THSD7B: variants seen among roughly 807,000 people sequenced by gnomAD.
THSD7B encodes the protein thrombospondin type 1 domain containing 7B.
Under a neutral mutation model 213.6 loss-of-function variants are expected in THSD7B, and 138 were observed. That is an observed-to-expected ratio of 0.65 (90% CI 0.56 to 0.74). The LOEUF (loss-of-function observed/expected upper bound fraction) is 0.74, where lower values mean the gene tolerates loss of function less well. Ranked by LOEUF, THSD7B falls within the 30% of genes least tolerant of loss-of-function variation. THSD7B has a pLI of 0.00. For synonymous variants in THSD7B, 742 were observed against 687.0 expected, an observed-to-expected ratio of 1.08 and a Z score of -1.25; for missense variants, 1,931 against 1,991.5, an observed-to-expected ratio of 0.97 and a Z score of 0.58.
chr2:137,055,261 T>G (rs1227058689), intron 2 of THSD7B, among the ~76,000 whole-genome samples: 3 of 152,186 alleles, frequency 2.0e-5, no homozygotes, highest in Non-Finnish European at 2.9e-5. Context: ...TGTGTCTTTA[T>G]AGTAGAATGA....
intron 1 of THSD7B, among the ~76,000 whole-genome samples, chr2:136,789,945 G>A (rs2104912965): frequency 6.6e-6 from 1 of 152,228 alleles, no homozygotes; most frequent in Admixed American, 6.5e-5. Context: ...AAAAGATGGA[G>A]CCCTCTGTAG....
At chr2:137,047,956 C>T (rs1026408603) in intron 2 of THSD7B, among the ~76,000 whole-genome samples, 13 of 152,028 alleles carry the variant, frequency 8.6e-5, no homozygotes, top group African/African-American at 2.2e-4. Flanking sequence ...ACATGCAGAA[C>T]GTGCAGGTTT....
At chr2:136,874,778 A>G (rs559666389) in intron 1 of THSD7B, among the ~76,000 whole-genome samples, 3 of 152,302 alleles carry the variant, frequency 2.0e-5, no homozygotes, top group South Asian at 2.1e-4. Context: ...CCTTGCAAAT[A>G]CATTTTGGAT....
chr2:137,311,819 C>T (rs572080325), intron 12 of THSD7B, among the ~76,000 whole-genome samples: 48 of 148,630 alleles, frequency 3.2e-4, no homozygotes, highest in Admixed American at 1.7e-3. Context: ...TATTGATTTG[C>T]GTATATTGAA....
At chr2:136,997,068 T>G (rs979369900) in intron 2 of THSD7B, among the ~76,000 whole-genome samples, 1 of 152,230 alleles carries the variant, frequency 6.6e-6, no homozygotes, top group African/African-American at 2.4e-5. Flanking sequence ...TCTCTTTCCA[T>G]CCTGGATTTT....
At chr2:137,115,335 G>A (rs1001893554) in intron 5 of THSD7B, 42 bp downstream of exon 5, 2 of 1,454,544 alleles carry the variant, frequency 1.4e-6, no homozygotes, top group Non-Finnish European at 1.8e-6. Context: ...CTGCTGGTTG[G>A]AAGGAAAATC....
chr2:137,451,324 ATATG>A (rs1413762931), intron 15 of THSD7B, among the ~76,000 whole-genome samples: 1 of 151,620 alleles, frequency 6.6e-6, no homozygotes, highest in African/African-American at 2.4e-5. Flanking sequence ...TTGGATATAT[ATATG>A]TGTGTATATA....
At chr2:137,424,876 C>A (rs1021843757) in intron 14 of THSD7B, among the ~76,000 whole-genome samples, 1 of 151,922 alleles carries the variant, frequency 6.6e-6, no homozygotes, top group Non-Finnish European at 1.5e-5. Context: ...TCGAGACCAT[C>A]CTGGCTAAGA....
rs1213896192 is a variant in THSD7B, at chr2:137,409,034, A to T, written c.2696-2575A>T. Among the ~76,000 whole-genome samples the T allele has an allele frequency of 2.0e-5, 3 of 152,220 alleles. No individual in the cohort carries two copies. In the East Asian group the frequency reaches 5.8e-4, roughly 29 times the overall value. ...AACATGCTAGCGGCAGAGTGGTACA[A>T]TGTAGGCTAGAGGCAGATACAAATG... On this transcript the variant is annotated intron_variant, in intron 13 of 27. Transcript: ENST00000409968.
chr2:137,404,464 T>TAC (rs1316384160), intron 12 of THSD7B, among the ~76,000 whole-genome samples: 656 of 74,146 alleles, frequency 8.8e-3, no homozygotes, highest in South Asian at 0.014. Flanking sequence ...TATATATATA[T>TAC]ATATATATAT....
intron 2 of THSD7B, among the ~76,000 whole-genome samples, chr2:136,886,322 G>A (rs1169253435): frequency 6.6e-6 from 1 of 152,118 alleles, no homozygotes; most frequent in African/African-American, 2.4e-5. Flanking sequence ...ATCCTTGTGG[G>A]TGGCTGGCTG....
chr2:137,230,594 G>T (rs1402530610), intron 7 of THSD7B, among the ~76,000 whole-genome samples: 2 of 152,114 alleles, frequency 1.3e-5, no homozygotes, highest in East Asian at 3.9e-4. Context: ...TGATAATATT[G>T]CATAAGGTTG....
intron 7 of THSD7B, among the ~76,000 whole-genome samples, chr2:137,220,530 G>A (rs1013183872): frequency 6.6e-6 from 1 of 152,170 alleles, no homozygotes; most frequent in Non-Finnish European, 1.5e-5. Context: ...AAAGAAACTG[G>A]TTATACCAAG....
intron 2 of THSD7B, among the ~76,000 whole-genome samples, chr2:136,967,076 T>C (rs1419418538): frequency 6.6e-6 from 1 of 152,172 alleles, no homozygotes; most frequent in Non-Finnish European, 1.5e-5. Flanking sequence ...GTTTCTATTT[T>C]ACTGTGTCCT....
At chr2:136,952,549 C>A (rs2105073955) in intron 2 of THSD7B, among the ~76,000 whole-genome samples, 1 of 145,230 alleles carries the variant, frequency 6.9e-6, no homozygotes, top group Non-Finnish European at 1.5e-5. Flanking sequence ...TTGGATGATT[C>A]TTTTTTATCT....
chr2:136,812,259 A>G (rs1429362581), intron 1 of THSD7B, among the ~76,000 whole-genome samples: 1 of 152,190 alleles, frequency 6.6e-6, no homozygotes, highest in African/African-American at 2.4e-5. Context: ...TTCTTGTTTA[A>G]TTGGCCAACA....
intron 1 of THSD7B, among the ~76,000 whole-genome samples, chr2:136,797,416 A>C (rs1174480393): frequency 6.6e-6 from 1 of 151,980 alleles, no homozygotes; most frequent in Non-Finnish European, 1.5e-5. Context: ...TCCATAGGCA[A>C]CTCCATCTGA....
intron 14 of THSD7B, among the ~76,000 whole-genome samples, chr2:137,437,633 T>C (rs899506724): frequency 1.3e-5 from 2 of 152,028 alleles, no homozygotes; most frequent in African/African-American, 2.4e-5. Flanking sequence ...GACCTTAATA[T>C]AGGAGCAAAG....
At chr2:137,381,512 T>G (rs942060425) in intron 12 of THSD7B, among the ~76,000 whole-genome samples, 3 of 152,132 alleles carry the variant, frequency 2.0e-5, no homozygotes, top group African/African-American at 7.2e-5. Flanking sequence ...GCTTCAGAGC[T>G]TGGAAAAAGA....
Sources: allele counts gnomAD v4.1 joint callset (sites outside exome capture counted in the v4.1 genomes callset), GRCh38; gene constraint gnomAD v4.1.1; transcripts MANE v1.5; gene names NCBI Gene and HGNC (gene_info 2026-07-23, HGNC 2026-07-21).